FAM228A: variants seen among roughly 807,000 people sequenced by gnomAD.
FAM228A encodes protein FAM228A.
In FAM228A, 13 loss-of-function variants were observed where a neutral mutation model predicts 18.6. The ratio of observed to expected loss-of-function variants is 0.70; its 90% CI spans 0.45 to 1.11. The LOEUF (loss-of-function observed/expected upper bound fraction) is 1.11. FAM228A is among the 50% of genes least tolerant of loss of function. FAM228A has a pLI of 0.00. For missense variants in FAM228A, 240 were observed against 242.2 expected, an observed-to-expected ratio of 0.99 and a Z score of 0.06; for synonymous variants, 77 against 86.6, an observed-to-expected ratio of 0.89 and a Z score of 0.61.
At chr2:24,188,410 C>T in intron 5 of FAM228A, 2 of 985,198 alleles carry the variant, frequency 2.0e-6, no homozygotes, top group Non-Finnish European at 2.4e-6. Flanking sequence ...CCTCCCCACC[C>T]CTCCTTGATT....
chr2:24,187,581 T>A (rs1667979678), intron 5 of FAM228A, among the ~76,000 whole-genome samples: 2 of 152,230 alleles, frequency 1.3e-5, no homozygotes, highest in African/African-American at 4.8e-5. Context: ...CTCTGCCCAT[T>A]CATCTCTCTT....
At chr2:24,175,730 G>C (rs1311378320) in intron 2 of FAM228A, 157 bp downstream of exon 2, 1 of 757,968 alleles carries the variant, frequency 1.3e-6, no homozygotes, top group African/African-American at 1.8e-5. Flanking sequence ...ATTTGGCCGA[G>C]AGTGTGGCCA....
intron 3 of FAM228A, among the ~76,000 whole-genome samples, chr2:24,181,295 G>A (rs1011975198): frequency 7.9e-5 from 12 of 152,304 alleles, no homozygotes; most frequent in African/African-American, 2.4e-4. Flanking sequence ...TTTGTATCTA[G>A]TGATTTTTCC....
chr2:24,183,629 A>G lies in FAM228A; in HGVS notation c.385A>G (p.Lys129Glu), dbSNP rs1183739358. ...WHKASARARSKTYKYSPEKLI... is the reference protein window; with the variant it reads ...WHKASARARSETYKYSPEKLI... Reference sequence around the variant, plus strand: ...TAAAGCCTCTGCAAGAGCCAGGAGTAAAACTTACAAATACAGGTACAGATG... The same window carrying G: ...TAAAGCCTCTGCAAGAGCCAGGAGTGAAACTTACAAATACAGGTACAGATG... Residue 129 changes from lysine to glutamate, a missense_variant, in exon 5 of 6, where the codon AAA becomes GAA. Coordinates refer to ENST00000295150, the MANE Select transcript of FAM228A (RefSeq NM_001040710.3). 3.7e-6 allele frequency: 6 copies of G among 1,603,496 alleles called. No homozygotes were observed. The highest frequency in any genetic ancestry group is 5.1e-6 in the Non-Finnish European group (6 of 1,176,370).
At chr2:24,179,921 C>T (rs1667776506) in intron 3 of FAM228A, among the ~76,000 whole-genome samples, 1 of 152,122 alleles carries the variant, frequency 6.6e-6, no homozygotes, top group African/African-American at 2.4e-5. Flanking sequence ...AGGAAGTGGG[C>T]AGAGGAGAAT....
rs574329029 is a variant in FAM228A, at chr2:24,186,574, A to T, written c.401+2929A>T. Among the ~76,000 whole-genome samples the T allele has an allele frequency of 2.0e-5, 3 of 152,130 alleles. No individual in the cohort carries two copies. The East Asian group carries it at 5.8e-4, about 29-fold the overall frequency. ...TTTTAGATAATAGATTTTGACATAT[A>T]TTAATTTTTATGCATTTATTGATAT... On this transcript the variant is annotated intron_variant, in intron 5 of 5. Transcript: ENST00000295150.
intron 3 of FAM228A, 28 bp downstream of exon 3, chr2:24,177,898 A>G (rs1667728709): frequency 9.4e-6 from 14 of 1,487,396 alleles, no homozygotes; most frequent in Non-Finnish European, 1.3e-5. Flanking sequence ...GCTGCATTCT[A>G]CATATGTTCT....
chr2:24,190,566 C>T lies in FAM228A; in HGVS notation c.556C>T (p.Leu186=), dbSNP rs751312072. ...GERKGLVSRG[L]GRGWHAGLCS... ...AAGAAAGGGTCTGGTGAGCAGAGGC[C>T]TGGGGCGGGGCTGGCATGCAGGGCT... The change falls in exon 6 of 6, where the codon CTG becomes TTG. Residue 186 remains leucine (L), a synonymous_variant. Transcript: ENST00000295150. 13 of 1,612,392 alleles carry T rather than the reference C, an allele frequency of 8.1e-6. No individual in the cohort carries two copies. The highest frequency in any genetic ancestry group is 1.3e-5 in the African/African-American group (1 of 74,750).
intron 2 of FAM228A, among the ~76,000 whole-genome samples, chr2:24,176,716 G>T (rs532700027): frequency 6.6e-6 from 1 of 152,266 alleles, no homozygotes; most frequent in South Asian, 2.1e-4. Flanking sequence ...TGAGTTTGGG[G>T]TTTAGTTTGT....
intron 5 of FAM228A, among the ~76,000 whole-genome samples, chr2:24,185,499 A>G (rs1390202983): frequency 1.3e-5 from 2 of 152,282 alleles, no homozygotes; most frequent in East Asian, 1.9e-4. Context: ...TTTTACACCA[A>G]CCTAATACTT....
chr2:24,177,178 G>A (rs770970731), intron 2 of FAM228A, among the ~76,000 whole-genome samples: 41 of 152,284 alleles, frequency 2.7e-4, no homozygotes, highest in Middle Eastern at 3.4e-3. Flanking sequence ...GGTGGCTCAC[G>A]CCTATAATCT....
At chr2:24,180,071 TG>T (rs1304720908) in intron 3 of FAM228A, among the ~76,000 whole-genome samples, 1 of 152,214 alleles carries the variant, frequency 6.6e-6, no homozygotes, top group African/African-American at 2.4e-5. Flanking sequence ...TCTCAGAATT[TG>T]GGTCTCTCTA....
intron 3 of FAM228A, 112 bp downstream of exon 3, chr2:24,177,982 G>A (rs1667730628): frequency 3.1e-6 from 2 of 640,720 alleles, no homozygotes; most frequent in Non-Finnish European, 5.3e-6. Context: ...CATTTTGCAG[G>A]AGTAATGAGG....
At chr2:24,181,451 C>T (rs1441780338) in intron 3 of FAM228A, among the ~76,000 whole-genome samples, 1 of 152,164 alleles carries the variant, frequency 6.6e-6, no homozygotes, top group Non-Finnish European at 1.5e-5. Context: ...ATGGTGTGAT[C>T]TTGGCTTACT....
At chr2:24,187,085 C>T (rs1667966580) in intron 5 of FAM228A, among the ~76,000 whole-genome samples, 1 of 152,186 alleles carries the variant, frequency 6.6e-6, no homozygotes, top group African/African-American at 2.4e-5. Context: ...CTCTCTCTCA[C>T]TTTACCCCAC....
intron 2 of FAM228A, among the ~76,000 whole-genome samples, chr2:24,176,809 G>C (rs1667703933): frequency 6.6e-6 from 1 of 152,158 alleles, no homozygotes. Context: ...TTTTTCATCA[G>C]CAATAATTTT....
chr2:24,180,408 T>C (rs139143482), intron 3 of FAM228A, among the ~76,000 whole-genome samples: 61 of 152,192 alleles, frequency 4.0e-4, no homozygotes, highest in African/African-American at 1.3e-3. Flanking sequence ...GCCATGATCG[T>C]GTCACTGCAG....
chr2:24,189,795 A>T (rs1007617270), intron 5 of FAM228A, among the ~76,000 whole-genome samples: 1 of 152,126 alleles, frequency 6.6e-6, no homozygotes, highest in Admixed American at 6.5e-5. Flanking sequence ...AGGCAGAGAC[A>T]GTTTGATGAC....
chr2:24,190,910 C>T lies in FAM228A; in HGVS notation c.*279C>T. ...TTTCCCCCTGAGATTTCTTCAGCGCCTTCGCCCGGGCCTTTGCCCTTCTGC... is the reference window on the plus strand; with the variant it reads ...TTTCCCCCTGAGATTTCTTCAGCGCTTTCGCCCGGGCCTTTGCCCTTCTGC... On this transcript the variant is annotated 3_prime_UTR_variant, in exon 6 of 6. Transcript: ENST00000295150. The T allele has an allele frequency of 8.7e-7, 1 of 1,144,420 alleles. No homozygotes were observed. Among genetic ancestry groups the T allele is most frequent in the South Asian group, 4.0e-5 (1 of 25,002 alleles). The allele number at this position is 1,144,420 out of a possible 1,614,324, so 70.9% of individuals were successfully genotyped here.
Sources: allele counts gnomAD v4.1 joint callset (sites outside exome capture counted in the v4.1 genomes callset), GRCh38; gene constraint gnomAD v4.1.1; transcripts MANE v1.5; gene names NCBI Gene and HGNC (gene_info 2026-07-23, HGNC 2026-07-21).